The following PLXNA4 variants were observed in gnomAD, a reference collection of about 807,000 sequenced individuals.
PLXNA4 encodes the protein plexin A4.
A neutral mutation model predicts 191.8 loss-of-function variants in PLXNA4; 44 were observed. The ratio of observed to expected loss-of-function variants is 0.23; its 90% CI spans 0.18 to 0.29. PLXNA4 has a LOEUF of 0.29. PLXNA4 is among the 10% of genes least tolerant of loss of function. The pLI is 1.00. For synonymous variants in PLXNA4, 1,082 were observed against 1,009.5 expected (o/e 1.07, Z -1.36); for missense variants, 1,800 against 2,488.8 (o/e 0.72, Z 5.89).
intron 3 of PLXNA4, among the ~76,000 whole-genome samples, chr7:132,303,033 C>T (rs185436049): frequency 3.9e-5 from 6 of 151,994 alleles, no homozygotes; most frequent in East Asian, 2.0e-4. Context: ...CCTACCACCA[C>T]GCCCAGCTAA....
chr7:132,175,331 C>T (rs1045529137), intron 20 of PLXNA4, among the ~76,000 whole-genome samples: 3 of 151,986 alleles, frequency 2.0e-5, no homozygotes, highest in Non-Finnish European at 2.9e-5. Flanking sequence ...AGAGTCCATT[C>T]CTGATGCTGT....
intron 3 of PLXNA4, among the ~76,000 whole-genome samples, chr7:132,335,455 A>C (rs2116717502): frequency 6.6e-6 from 1 of 152,190 alleles, no homozygotes; most frequent in Non-Finnish European, 1.5e-5. Flanking sequence ...AAATCACTAG[A>C]GTTCATTCTC....
Position 132,132,488 on chromosome 7 carries a change from CTCTATTCTTT to C in PLXNA4, c.5589+551_5589+560del, listed in dbSNP as rs1295340931. On this transcript the variant is annotated intron_variant, in intron 31 of 31. Transcript: ENST00000321063. ...TTCTGCTCTGCTCTGCTCTGCTCTG[CTCTATTCTTT>C]TCTATTCTATTCTATTCTATTCTAT... Among the ~76,000 whole-genome samples, 29 of 84,504 alleles carry C rather than the reference CTCTATTCTTT, an allele frequency of 3.4e-4. 2 individuals are homozygous for C. The highest frequency in any genetic ancestry group is 3.3e-3 in the South Asian group (8 of 2,436). The allele number at this position is 84,504 out of a possible 152,430, so 55.4% of individuals were successfully genotyped here.
chr7:132,339,677 G>GCC (rs1165829120), intron 3 of PLXNA4, among the ~76,000 whole-genome samples: 9 of 151,912 alleles, frequency 5.9e-5, no homozygotes, highest in African/African-American at 2.2e-4. Flanking sequence ...TTCTCTCCTT[G>GCC]CCCCACCCTG....
At chr7:132,155,678 A>G (rs541710484) in intron 25 of PLXNA4, among the ~76,000 whole-genome samples, 6 of 151,602 alleles carry the variant, frequency 4.0e-5, no homozygotes, top group African/African-American at 7.3e-5. Context: ...CTCAGTCCCA[A>G]CTCCTCCCGC....
intron 2 of PLXNA4, among the ~76,000 whole-genome samples, chr7:132,609,279 T>C (rs930692420): frequency 2.6e-5 from 4 of 152,160 alleles, no homozygotes; most frequent in Non-Finnish European, 4.4e-5. Context: ...CAGTAATAGA[T>C]GGTGGAAAGA....
intron 30 of PLXNA4, among the ~76,000 whole-genome samples, chr7:132,139,603 G>A (rs987848846): frequency 1.3e-5 from 2 of 152,174 alleles, no homozygotes; most frequent in Admixed American, 6.5e-5. Context: ...AGCAAACTAC[G>A]CACTTGGTGT....
At chr7:132,613,030 G>A (rs377761001) in intron 2 of PLXNA4, among the ~76,000 whole-genome samples, 3 of 152,116 alleles carry the variant, frequency 2.0e-5, no homozygotes, top group African/African-American at 7.2e-5. Context: ...TTGAAAAGAT[G>A]TTAAGAGACC....
At chr7:132,577,180 C>G (rs1041546318), upstream of PLXNA4, 3 of 147,252 alleles carry the variant, frequency 2.0e-5, no homozygotes, top group Admixed American at 1.4e-4. Context: ...CCGGGCCTCC[C>G]GGGCGCGCCC....
At chr7:132,455,291 C>G (rs1796271919) in intron 3 of PLXNA4, among the ~76,000 whole-genome samples, 1 of 152,138 alleles carries the variant, frequency 6.6e-6, no homozygotes, top group Non-Finnish European at 1.5e-5. Flanking sequence ...TTGCAGAGAA[C>G]AGGTTCAACT....
intron 29 of PLXNA4, among the ~76,000 whole-genome samples, chr7:132,141,825 G>T (rs561500546): frequency 2.0e-5 from 3 of 152,074 alleles, no homozygotes; most frequent in African/African-American, 7.2e-5. Context: ...TGCCTCCTGG[G>T]TTCAAGCGAT....
At chr7:132,275,720 G>A (rs373196554) in intron 4 of PLXNA4, among the ~76,000 whole-genome samples, 3 of 152,138 alleles carry the variant, frequency 2.0e-5, no homozygotes, top group Admixed American at 6.5e-5. Flanking sequence ...GAAATGAGTC[G>A]CCAGCACCTG....
At chr7:132,473,428 G>A (rs1337211420) in intron 3 of PLXNA4, among the ~76,000 whole-genome samples, 5 of 152,160 alleles carry the variant, frequency 3.3e-5, no homozygotes, top group African/African-American at 7.2e-5. Context: ...TTGCTGGGAT[G>A]GGGACCCCTG....
chr7:132,241,295 G>T, intron 4 of PLXNA4, 129 bp from the exon 5 acceptor site: 1 of 626,700 alleles, frequency 1.6e-6, no homozygotes, highest in Non-Finnish European at 2.8e-6. Flanking sequence ...GGTGCTTGGA[G>T]CCCAGTGTGG....
At chr7:132,291,200 T>A (rs1325669796) in intron 4 of PLXNA4, among the ~76,000 whole-genome samples, 1 of 152,172 alleles carries the variant, frequency 6.6e-6, no homozygotes, top group East Asian at 1.9e-4. Flanking sequence ...TCCCTCCACC[T>A]GGACCACTTC....
At chr7:132,283,416 C>G (rs1006512731) in intron 4 of PLXNA4, among the ~76,000 whole-genome samples, 3 of 152,168 alleles carry the variant, frequency 2.0e-5, no homozygotes, top group African/African-American at 7.2e-5. Flanking sequence ...CTTCGCAGAC[C>G]TAGGATAGAG....
chr7:132,132,493 T>G (rs1182064159), intron 31 of PLXNA4, among the ~76,000 whole-genome samples: 1 of 91,412 alleles, frequency 1.1e-5, no homozygotes, highest in South Asian at 4.3e-4. Context: ...CTCTGCTCTA[T>G]TCTTTTCTAT....
intron 3 of PLXNA4, among the ~76,000 whole-genome samples, chr7:132,308,151 G>C (rs1457511730): frequency 6.6e-6 from 1 of 152,156 alleles, no homozygotes; most frequent in Non-Finnish European, 1.5e-5. Flanking sequence ...CAATAGGGCT[G>C]ATATAAAGAA....
intron 3 of PLXNA4, among the ~76,000 whole-genome samples, chr7:132,332,357 T>TACTG (rs1168454952): frequency 1.3e-5 from 2 of 152,346 alleles, no homozygotes; most frequent in Admixed American, 6.5e-5. Flanking sequence ...CTTTTGTGAC[T>TACTG]ACTGGTCTTC....
Sources: allele counts gnomAD v4.1 joint callset (sites outside exome capture counted in the v4.1 genomes callset), GRCh38; gene constraint gnomAD v4.1.1; transcripts MANE v1.5; gene names NCBI Gene and HGNC (gene_info 2026-07-23, HGNC 2026-07-21).